The following HMBOX1 variants were observed in gnomAD, a reference collection of about 807,000 sequenced individuals.
HMBOX1 encodes the protein homeobox-containing protein 1.
Under a neutral mutation model 54.5 loss-of-function variants are expected in HMBOX1, and 14 were observed. The observed-to-expected ratio is 0.26, with a 90% CI of 0.17 to 0.40. The LOEUF is 0.40. Ranked by LOEUF, HMBOX1 falls within the 10% of genes least tolerant of loss-of-function variation. The pLI is 1.00. For missense variants in HMBOX1, 332 were observed against 514.4 expected (o/e 0.65, Z 3.43); for synonymous variants, 160 against 181.0 (o/e 0.88, Z 0.93).
chr8:29,022,096 T>C (rs1374165501), intron 6 of HMBOX1, among the ~76,000 whole-genome samples: 3 of 152,160 alleles, frequency 2.0e-5, no homozygotes, highest in Non-Finnish European at 4.4e-5. Context: ...CCTATGAGTT[T>C]ACCCTTTGAC....
At chr8:29,042,944 T>C (rs1805061411) in intron 6 of HMBOX1, among the ~76,000 whole-genome samples, 1 of 152,148 alleles carries the variant, frequency 6.6e-6, no homozygotes, top group Admixed American at 6.5e-5. Context: ...CATAGGTAAA[T>C]ACAAAGTTGA....
intron 1 of HMBOX1, among the ~76,000 whole-genome samples, chr8:28,904,775 A>G (rs916228552): frequency 6.6e-6 from 1 of 151,352 alleles, no homozygotes; most frequent in Non-Finnish European, 1.5e-5. Flanking sequence ...TCCTGGGTTC[A>G]CACCATTCTC....
intron 1 of HMBOX1, among the ~76,000 whole-genome samples, chr8:28,915,309 A>G (rs527710771): frequency 6.6e-6 from 1 of 152,152 alleles, no homozygotes; most frequent in African/African-American, 2.4e-5. Context: ...TGTAATCCCA[A>G]CACTTTTGGA....
intron 1 of HMBOX1, among the ~76,000 whole-genome samples, chr8:28,892,862 T>C (rs1249042603): frequency 6.6e-6 from 1 of 152,194 alleles, no homozygotes. Flanking sequence ...GTATCTTAAC[T>C]TGAAACACTA....
chr8:28,952,245 T>A (rs1823584261), intron 1 of HMBOX1, among the ~76,000 whole-genome samples: 1 of 151,916 alleles, frequency 6.6e-6, no homozygotes, highest in Non-Finnish European at 1.5e-5. Context: ...TTTATTTAGT[T>A]GTATTTTTGA....
At chr8:28,952,520 C>T (rs901588933) in intron 1 of HMBOX1, among the ~76,000 whole-genome samples, 1 of 152,332 alleles carries the variant, frequency 6.6e-6, no homozygotes, top group South Asian at 2.1e-4. Context: ...AGGCATTAGG[C>T]ACCGTGCCCA....
chr8:29,005,102 G>C (rs929130031), intron 4 of HMBOX1, among the ~76,000 whole-genome samples: 1 of 152,176 alleles, frequency 6.6e-6, no homozygotes, highest in African/African-American at 2.4e-5. Context: ...CAAGACAGGA[G>C]AATATTCTAT....
Position 28,945,775 on chromosome 8 carries a change from T to A in HMBOX1, c.-57-18036T>A, listed in dbSNP as rs544691413. ...ATAAAGGCAGAATTTTAAGAGTCCATTATTCTCTGCCTTTCATGGGGAAAA... is the reference window on the plus strand; with the variant it reads ...ATAAAGGCAGAATTTTAAGAGTCCAATATTCTCTGCCTTTCATGGGGAAAA... On this transcript the variant is annotated intron_variant, in intron 1 of 9. Coordinates refer to ENST00000287701, the MANE Select transcript of HMBOX1 (RefSeq NM_001135726.3). Among the ~76,000 whole-genome samples, 15 of 152,164 alleles carry A rather than the reference T, an allele frequency of 9.9e-5. 1 individual carries two copies. In the East Asian group the frequency reaches 2.9e-3, roughly 29 times the overall value.
intron 1 of HMBOX1, among the ~76,000 whole-genome samples, chr8:28,956,504 A>AT (rs150848507): frequency 0.015 from 2,254 of 152,184 alleles, 39 homozygotes; most frequent in African/African-American, 0.038. Flanking sequence ...ATAATGTAAG[A>AT]TAAAAATGCA....
chr8:28,927,446 G>A (rs971095303), intron 1 of HMBOX1, among the ~76,000 whole-genome samples: 1 of 152,114 alleles, frequency 6.6e-6, no homozygotes, highest in Non-Finnish European at 1.5e-5. Context: ...GTCTGCATCT[G>A]GTGAGGGTAT....
intron 1 of HMBOX1, among the ~76,000 whole-genome samples, chr8:28,903,605 C>T (rs1813668472): frequency 6.6e-6 from 1 of 152,142 alleles, no homozygotes; most frequent in African/African-American, 2.4e-5. Context: ...GGACTATCAT[C>T]ATGTACAAAG....
chr8:28,909,694 A>G (rs1041915303), intron 1 of HMBOX1, among the ~76,000 whole-genome samples: 1 of 152,216 alleles, frequency 6.6e-6, no homozygotes, highest in African/African-American at 2.4e-5. Context: ...AAGACCAAAA[A>G]AAAATGAGAC....
intron 2 of HMBOX1, among the ~76,000 whole-genome samples, 197 bp downstream of exon 2, chr8:28,964,087 T>A (rs1586135967): frequency 6.6e-6 from 1 of 152,342 alleles, no homozygotes; most frequent in African/African-American, 2.4e-5. Context: ...AATGAATTTT[T>A]AAATCTATCA....
At chr8:28,959,557 A>C (rs1825094461) in intron 1 of HMBOX1, among the ~76,000 whole-genome samples, 2 of 152,176 alleles carry the variant, frequency 1.3e-5, no homozygotes, top group Non-Finnish European at 2.9e-5. Flanking sequence ...ATTATTTCTC[A>C]TATGTCCTAC....
chr8:29,030,545 T>TTAG lies in HMBOX1; in HGVS notation c.851+11635_851+11637dup, dbSNP rs562619323. On this transcript the variant is annotated intron_variant, in intron 6 of 9. Coordinates refer to ENST00000287701, the MANE Select transcript of HMBOX1 (RefSeq NM_001135726.3). ...GTCAATAACCTATTTTTAAAATCAA[T>TTAG]TAGTAAATGTTATGTAATTTCTTAA... 6.6e-5 allele frequency among the ~76,000 whole-genome samples: 10 copies of TTAG among 152,304 alleles called. No homozygotes were observed. The East Asian group carries it at 1.9e-3, about 29-fold the overall frequency.
At chr8:29,048,674 AC>A in intron 8 of HMBOX1, 1 of 325,110 alleles carries the variant, frequency 3.1e-6, no homozygotes, top group Non-Finnish European at 5.8e-6. Context: ...GCTCTATAGA[AC>A]CCCAAGATAG....
At chr8:29,018,169 G>A (rs2132982873) in intron 5 of HMBOX1, among the ~76,000 whole-genome samples, 1 of 152,268 alleles carries the variant, frequency 6.6e-6, no homozygotes, top group Admixed American at 6.5e-5. Context: ...TGCTTTCCTG[G>A]TTTTATTCTT....
At chr8:28,929,750 G>T (rs1296180525) in intron 1 of HMBOX1, among the ~76,000 whole-genome samples, 1 of 152,098 alleles carries the variant, frequency 6.6e-6, no homozygotes, top group Non-Finnish European at 1.5e-5. Context: ...TTCCGAGTTG[G>T]AGAAATAAAT....
intron 6 of HMBOX1, among the ~76,000 whole-genome samples, chr8:29,025,058 A>T (rs1476968670): frequency 6.6e-6 from 1 of 152,172 alleles, no homozygotes; most frequent in Non-Finnish European, 1.5e-5. Flanking sequence ...GGAGGAATAG[A>T]TGGAGGCCAG....
Sources: gnomAD v4.1 joint callset for allele counts (sites outside exome capture counted in the v4.1 genomes callset) on GRCh38, gnomAD v4.1.1 for gene constraint, MANE v1.5 for transcripts, NCBI Gene and HGNC (gene_info 2026-07-23, HGNC 2026-07-21) for gene names.